The following GALNT13 variants were observed in gnomAD, a reference collection of about 807,000 sequenced individuals.
GALNT13 encodes UDP-GalNAc:polypeptide N-acetylgalactosaminyltransferase 13.
GALNT13 carries 28 observed loss-of-function variants against 64.2 expected under a neutral mutation model. The observed-to-expected ratio is 0.44, with a 90% CI of 0.32 to 0.60. The LOEUF is 0.60. Ranked by LOEUF, GALNT13 falls within the 20% of genes least tolerant of loss-of-function variation. The probability of loss-of-function intolerance (pLI) is 0.05; values close to 1 mark genes in which losing one functional copy is unlikely to be tolerated. For synonymous variants in GALNT13, 214 were observed against 224.6 expected, an observed-to-expected ratio of 0.95 and a Z score of 0.42; for missense variants, 577 against 669.8, an observed-to-expected ratio of 0.86 and a Z score of 1.53.
chr2:154,067,099 A>G (rs917986397), intron 3 of GALNT13, among the ~76,000 whole-genome samples: 1 of 152,106 alleles, frequency 6.6e-6, no homozygotes, highest in Admixed American at 6.6e-5. Context: ...ATAATGGGTT[A>G]TAAGATATTA....
At chr2:153,221,731 T>C in the GALNT13 span, among the ~76,000 whole-genome samples, 2 of 152,126 alleles carry the variant, frequency 1.3e-5, no homozygotes, top group African/African-American at 4.8e-5. Context: ...GTCCAGCCAC[T>C]GCGCACAGCC....
chr2:153,486,683 A>T, the GALNT13 span, among the ~76,000 whole-genome samples: 13 of 152,334 alleles, frequency 8.5e-5, no homozygotes, highest in South Asian at 2.1e-4. Flanking sequence ...CTTGATTTAA[A>T]AATTCTGACC....
the GALNT13 span, among the ~76,000 whole-genome samples, chr2:153,539,236 G>T: frequency 1.3e-5 from 2 of 152,152 alleles, no homozygotes; most frequent in South Asian, 4.1e-4. Flanking sequence ...TTCTGATGGG[G>T]TTGTTTGTTT....
chr2:154,095,175 C>T (rs943752559), intron 3 of GALNT13, among the ~76,000 whole-genome samples: 7 of 151,782 alleles, frequency 4.6e-5, no homozygotes, highest in Non-Finnish European at 8.8e-5. Flanking sequence ...TGTTCATATA[C>T]AGCCGGTTAA....
chr2:153,935,466 T>C (rs998048979), intron 2 of GALNT13, among the ~76,000 whole-genome samples: 8 of 152,230 alleles, frequency 5.3e-5, no homozygotes, highest in Admixed American at 1.3e-4. Context: ...TGAAGAGTTG[T>C]AGCCTGGATT....
At chr2:154,265,667 C>G (rs1042734179) in intron 8 of GALNT13, among the ~76,000 whole-genome samples, 9 of 152,202 alleles carry the variant, frequency 5.9e-5, no homozygotes, top group African/African-American at 2.2e-4. Context: ...CCATTGCACT[C>G]CAGCCTGGGC....
chr2:153,142,517 C>T, the GALNT13 span, among the ~76,000 whole-genome samples: 1 of 151,804 alleles, frequency 6.6e-6, no homozygotes, highest in African/African-American at 2.4e-5. Flanking sequence ...TGTGGTATAA[C>T]GTATATTATC....
At chr2:153,151,638 T>A in the GALNT13 span, among the ~76,000 whole-genome samples, 1 of 152,140 alleles carries the variant, frequency 6.6e-6, no homozygotes, top group African/African-American at 2.4e-5. Flanking sequence ...CACCATGAAA[T>A]ACTATGCAGC....
intron 9 of GALNT13, among the ~76,000 whole-genome samples, chr2:154,390,075 TTA>T (rs1698712456): frequency 6.6e-6 from 1 of 152,134 alleles, no homozygotes; most frequent in Non-Finnish European, 1.5e-5. Flanking sequence ...ATTTCTATGT[TTA>T]TATAAAAAAA....
At chr2:154,364,151 G>A (rs1697231757) in intron 9 of GALNT13, among the ~76,000 whole-genome samples, 2 of 152,112 alleles carry the variant, frequency 1.3e-5, no homozygotes, top group African/African-American at 2.4e-5. Flanking sequence ...CTATTTATAG[G>A]CAAGCTATAT....
chr2:154,311,729 G>C (rs1221779139), intron 9 of GALNT13, among the ~76,000 whole-genome samples: 1 of 152,148 alleles, frequency 6.6e-6, no homozygotes, highest in East Asian at 1.9e-4. Context: ...TTTCACCTCT[G>C]CAATCTCGAC....
At chr2:154,147,401 A>ATC (rs902853107) in intron 4 of GALNT13, among the ~76,000 whole-genome samples, 2 of 149,160 alleles carry the variant, frequency 1.3e-5, no homozygotes, top group Non-Finnish European at 3.0e-5. Flanking sequence ...ATATATATAT[A>ATC]TCTCCTAGTA....
the GALNT13 span, among the ~76,000 whole-genome samples, chr2:153,541,607 A>C: frequency 6.6e-6 from 1 of 152,124 alleles, no homozygotes; most frequent in African/African-American, 2.4e-5. Flanking sequence ...GTCATAAATA[A>C]ATTATCTGAT....
chr2:153,934,722 T>C (rs1193739011), intron 2 of GALNT13, among the ~76,000 whole-genome samples: 1 of 152,242 alleles, frequency 6.6e-6, no homozygotes, highest in Non-Finnish European at 1.5e-5. Context: ...AGTGGATTCC[T>C]ACTTACATGG....
chr2:153,587,204 G>A, the GALNT13 span, among the ~76,000 whole-genome samples: 1 of 142,612 alleles, frequency 7.0e-6, no homozygotes, highest in South Asian at 2.2e-4. Context: ...CAGCACTCCA[G>A]CTTGGGTGAC....
At chr2:153,768,332 C>A in the GALNT13 span, among the ~76,000 whole-genome samples, 354 of 152,206 alleles carry the variant, frequency 2.3e-3, no homozygotes, top group Non-Finnish European at 4.1e-3. Context: ...CAGTTTACAT[C>A]CAGAATGTCA....
chr2:154,017,142 A>G (rs1458289546), intron 3 of GALNT13, among the ~76,000 whole-genome samples: 1 of 152,220 alleles, frequency 6.6e-6, no homozygotes, highest in Non-Finnish European at 1.5e-5. Context: ...AAAGGGCACG[A>G]GATGAGAAAT....
At chr2:153,768,677 A>G in the GALNT13 span, among the ~76,000 whole-genome samples, 1 of 152,000 alleles carries the variant, frequency 6.6e-6, no homozygotes, top group South Asian at 2.1e-4. Flanking sequence ...AGCCTGGCTA[A>G]CACACGGTGA....
chr2:153,576,625 G>C, the GALNT13 span, among the ~76,000 whole-genome samples: 4 of 152,182 alleles, frequency 2.6e-5, no homozygotes, highest in African/African-American at 9.6e-5. Flanking sequence ...CCTGCTGGGG[G>C]TTGGGGAAGG....
Sources: gnomAD v4.1 joint callset for allele counts (sites outside exome capture counted in the v4.1 genomes callset) on GRCh38, gnomAD v4.1.1 for gene constraint, MANE v1.5 for transcripts, NCBI Gene and HGNC (gene_info 2026-07-23, HGNC 2026-07-21) for gene names.